USP11: variants seen among roughly 807,000 people sequenced by gnomAD.
USP11 encodes the protein ubiquitin specific peptidase 11, also known as ubiquitin carboxyl-terminal hydrolase 11.
Under a neutral mutation model 72.8 loss-of-function variants are expected in USP11, and 5 were observed. The ratio of observed to expected loss-of-function variants is 0.07; its 90% confidence interval spans 0.04 to 0.14. The LOEUF is 0.14. Among genes scored for constraint, USP11 ranks in the 10% least tolerant of loss-of-function variants. The probability of loss-of-function intolerance (pLI) is 1.00; values close to 1 mark genes in which losing one functional copy is unlikely to be tolerated. For missense variants in USP11, 480 were observed against 794.7 expected (o/e 0.60, Z 4.76); for synonymous variants, 368 against 326.5 (o/e 1.13, Z -1.37).
intron 13 of USP11, among the ~76,000 whole-genome samples, chrX:47,244,146 T>A (rs1422017330): frequency 9.9e-6 from 1 of 101,017 alleles, no homozygotes; most frequent in Non-Finnish European, 2.0e-5. Flanking sequence ...TTGCCCAGGC[T>A]GGAGTGTAGT....
Position 47,245,053 on chromosome X carries a change from G to A in USP11, c.2124G>A (p.Met708Ile). Residue 708 changes from methionine to isoleucine, a missense_variant, in exon 16 of 21, where the codon ATG becomes ATA. Around this residue, in one of 5 missense-constraint regions of USP11, gnomAD observed 314 missense variants for 556.0 expected, o/e 0.56. Transcript: ENST00000377107. ...TTGCTATCGACTGGGAGCCAGAGAT[G>A]AAGAAGCGTTACTATGACGAGGTAG... The part of the protein sequence containing the change: ...PYIAIDWEPE[M>I]KKRYYDEVEA... The A allele has an allele frequency of 8.3e-7, 1 of 1,211,869 alleles. No individual in the cohort carries two copies. The highest frequency in any genetic ancestry group is 3.0e-5 in the East Asian group (1 of 33,868).
At chrX:47,243,962 T>C (rs1176490334) in intron 13 of USP11, among the ~76,000 whole-genome samples, 2 of 111,722 alleles carry the variant, frequency 1.8e-5, no homozygotes, top group African/African-American at 3.3e-5. Context: ...ACACAAAGCA[T>C]TGTGTTATCA....
chrX:47,247,718 C>G lies in USP11; in HGVS notation c.2625+19C>G. On this transcript the variant is annotated intron_variant, in intron 20 of 20. Coordinates refer to ENST00000377107, the MANE Select transcript of USP11 (RefSeq NM_001371072.1). ...GATCGAGGTGTGACTTCCATCCTACCTCCTCCCCTTCTTCCTTTCTGATTC... is the reference window on the plus strand; with the variant it reads ...GATCGAGGTGTGACTTCCATCCTACGTCCTCCCCTTCTTCCTTTCTGATTC... The G allele has an allele frequency of 1.7e-6, 2 of 1,209,954 alleles. No individual in the cohort carries two copies. Among genetic ancestry groups the G allele is most frequent in the South Asian group, 3.5e-5 (2 of 56,877 alleles).
intron 1 of USP11, among the ~76,000 whole-genome samples, chrX:47,234,311 T>TATC (rs2055361452): frequency 8.9e-6 from 1 of 112,088 alleles, no homozygotes; most frequent in Non-Finnish European, 1.9e-5. Context: ...AAATGCAACA[T>TATC]GTGATCCTCG....
At chrX:47,246,012 C>T (rs988081144) in intron 17 of USP11, among the ~76,000 whole-genome samples, 2 of 111,570 alleles carry the variant, frequency 1.8e-5, no homozygotes, top group Non-Finnish European at 3.8e-5. Flanking sequence ...TCACTCCTTA[C>T]GATGCTCAGG....
chrX:47,241,273 G>C lies in USP11; in HGVS notation c.847-4G>C. On this transcript the variant is annotated splice_region_variant and splice_polypyrimidine_tract_variant and intron_variant, in intron 7 of 20. Coordinates refer to ENST00000377107, the MANE Select transcript of USP11 (RefSeq NM_001371072.1). ...CTCATTCACCTGGTCTCTGGCCTCT[G>C]CAGTGCCTCAGCAATGTGCCACAGC... 1.7e-6 allele frequency: 2 copies of C among 1,201,139 alleles called. No homozygotes were observed. Among genetic ancestry groups the C allele is most frequent in the Non-Finnish European group, 2.2e-6 (2 of 890,402 alleles).
intron 1 of USP11, among the ~76,000 whole-genome samples, chrX:47,236,487 G>C (rs767933846): frequency 5.7e-4 from 64 of 111,972 alleles, no homozygotes; most frequent in African/African-American, 2.0e-3. Flanking sequence ...AATTAATTTG[G>C]TCATCACAAC....
Position 47,242,532 on chromosome X carries a change from C to A in USP11, c.1488+10C>A, listed in dbSNP as rs1225154491. 2 of 1,209,691 alleles carry A rather than the reference C, an allele frequency of 1.7e-6. No homozygotes were observed. The highest frequency in any genetic ancestry group is 2.2e-6 in the Non-Finnish European group (2 of 894,759). On this transcript the variant is annotated intron_variant, in intron 11 of 20. Coordinates refer to ENST00000377107, the MANE Select transcript of USP11 (RefSeq NM_001371072.1). Reference sequence around the variant, plus strand: ...CATCTCGCCAGAGAGGGTGAGACTGCAGAAGGAGGCTGGATGGGATTCCAG... The same window carrying A: ...CATCTCGCCAGAGAGGGTGAGACTGAAGAAGGAGGCTGGATGGGATTCCAG...
intron 7 of USP11, 67 bp downstream of exon 7, chrX:47,240,943 C>T: frequency 9.3e-7 from 1 of 1,073,449 alleles, no homozygotes. Context: ...GGATTGGGGA[C>T]AGAGCTGGGG....
chrX:47,247,708 TC>T lies in USP11; in HGVS notation c.2625+11del. 2.5e-6 allele frequency: 3 copies of T among 1,207,314 alleles called. No individual in the cohort carries two copies. In the East Asian group the frequency reaches 8.9e-5, roughly 36 times the overall value. On this transcript the variant is annotated intron_variant, in intron 20 of 20. Transcript: ENST00000377107. ...ATGAGAATCAGATCGAGGTGTGACTTCCATCCTACCTCCTCCCCTTCTTCCT... is the reference window on the plus strand; with the variant it reads ...ATGAGAATCAGATCGAGGTGTGACTTCATCCTACCTCCTCCCCTTCTTCCT...
In USP11 at chrX:47,248,251, C is replaced by T. The variant is rs968489523; in HGVS notation, c.*321C>T. The stretch of plus-strand genomic sequence containing the variant: ...GGGTGGTGATGGGGGTTCACCTGAA[C>T]ACAGAGTGTATTTTCTTATTGAGGC... On this transcript the variant is annotated 3_prime_UTR_variant, in exon 21 of 21. Transcript: ENST00000377107. 1 of 265,757 alleles carries T rather than the reference C, an allele frequency of 3.8e-6. No individual in the cohort carries two copies. The highest frequency in any genetic ancestry group is 6.6e-6 in the Non-Finnish European group (1 of 152,020). 21.9% of individuals were successfully genotyped at this position (265,757 alleles called of 1,213,427 possible).
intron 1 of USP11, 82 bp downstream of exon 1, chrX:47,233,301 C>T: frequency 2.7e-6 from 2 of 734,348 alleles, no homozygotes; most frequent in Non-Finnish European, 3.2e-6. Flanking sequence ...GGCCGAGGGC[C>T]GCGGGAAAGC....
chrX:47,239,656 C>T lies in USP11; in HGVS notation c.418-134C>T. 7.3e-6 allele frequency: 7 copies of T among 963,682 alleles called. No individual in the cohort carries two copies. The South Asian group carries it at 1.6e-4, about 21-fold the overall frequency. The allele number at this position is 963,682 out of a possible 1,213,427, so 79.4% of individuals were successfully genotyped here. On this transcript the variant is annotated intron_variant, in intron 3 of 20. Coordinates refer to ENST00000377107, the MANE Select transcript of USP11 (RefSeq NM_001371072.1). ...GCTGTGTGTGTTCCCCTGTGTGGCT[C>T]TCTTTACAGACCATTGTATATGTGT... is the stretch of plus-strand genomic sequence containing the variant.
chrX:47,247,759 A>G, intron 20 of USP11, 34 bp from the exon 21 acceptor site: 1 of 1,205,734 alleles, frequency 8.3e-7, no homozygotes, highest in Non-Finnish European at 1.1e-6. Flanking sequence ...CCCCACCCCC[A>G]CAATCCACAC....
chrX:47,234,322 A>G (rs2147347999), intron 1 of USP11, among the ~76,000 whole-genome samples: 1 of 111,949 alleles, frequency 8.9e-6, no homozygotes, highest in East Asian at 2.8e-4. Context: ...GTGATCCTCG[A>G]TTGGATCCTG....
chrX:47,233,170 GA>G lies in USP11; in HGVS notation c.131del (p.Asn44ThrfsTer55). 8.4e-7 allele frequency: 1 copy of G among 1,191,742 alleles called. No individual in the cohort carries two copies. Among genetic ancestry groups the G allele is most frequent in the Admixed American group, 2.3e-5 (1 of 43,921 alleles). On this transcript the variant is annotated frameshift_variant, in exon 1 of 21. Coordinates refer to ENST00000377107, the MANE Select transcript of USP11 (RefSeq NM_001371072.1). LOFTEE classifies it high-confidence loss of function. Reference protein sequence around the residue: ...PGLDSQWRQIENGESGRERPL... With the variant: ...PGLDSQWRQIXNGESGRERPL... ...CCTGGACAGCCAGTGGCGCCAGATA[GA>G]AAACGGCGAGAGTGGGCGAGAACGT...
intron 7 of USP11, 86 bp downstream of exon 7, chrX:47,240,962 GGAC>G: frequency 2.1e-6 from 2 of 941,024 alleles, no homozygotes; most frequent in Non-Finnish European, 3.0e-6. Flanking sequence ...GGTCCTGAGG[GGAC>G]TACAGGGCAA....
In USP11 at chrX:47,239,057, G is replaced by T; in HGVS notation, c.177-13G>T. On this transcript the variant is annotated splice_polypyrimidine_tract_variant and intron_variant, in intron 1 of 20. Transcript: ENST00000377107. ...TACCCATGTAACACCCTTGTTACCT[G>T]TCTGGGCCCCAGGTTCCTTGTGGAG... The T allele has an allele frequency of 8.3e-7, 1 of 1,198,517 alleles. No individual in the cohort carries two copies. The highest frequency in any genetic ancestry group is 1.8e-5 in the South Asian group (1 of 55,491).
intron 7 of USP11, 183 bp downstream of exon 7, chrX:47,241,059 C>A: frequency 1.8e-6 from 1 of 564,021 alleles, no homozygotes; most frequent in Non-Finnish European, 2.8e-6. Context: ...CTTCTCTCAG[C>A]TTGCCCTCAT....
Sources: allele counts gnomAD v4.1 joint callset (sites outside exome capture counted in the v4.1 genomes callset), GRCh38; gene constraint gnomAD v4.1.1; regional missense constraint gnomAD v4.1.1; transcripts MANE v1.5; gene names NCBI Gene and HGNC (gene_info 2026-07-23, HGNC 2026-07-21).